TRIM66: variants seen among roughly 807,000 people sequenced by gnomAD.
TRIM66 encodes tripartite motif-containing protein 66.
A neutral mutation model predicts 148.2 loss-of-function variants in TRIM66; 99 were observed. That is an observed-to-expected ratio of 0.67 (90% CI 0.57 to 0.79). The LOEUF (loss-of-function observed/expected upper bound fraction) is 0.79, where lower values mean the gene tolerates loss of function less well. Among genes scored for constraint, TRIM66 ranks in the 30% least tolerant of loss-of-function variants. TRIM66 has a pLI of 0.00. For synonymous variants in TRIM66, 616 were observed against 635.9 expected, an observed-to-expected ratio of 0.97 and a Z score of 0.47; for missense variants, 1,666 against 1,697.9, an observed-to-expected ratio of 0.98 and a Z score of 0.33.
chr11:8,654,110 A>C (rs940575246), intron 6 of TRIM66, among the ~76,000 whole-genome samples: 7 of 152,370 alleles, frequency 4.6e-5, no homozygotes, highest in African/African-American at 1.4e-4. Context: ...ACATGGCCTC[A>C]CGAGCAGAAT....
intron 8 of TRIM66, 25 bp from the exon 9 acceptor site, chr11:8,648,573 A>G: frequency 1.3e-6 from 2 of 1,551,152 alleles, no homozygotes; most frequent in Non-Finnish European, 1.7e-6. Flanking sequence ...AGAGAAAGTG[A>G]GCTTCTCTTG....
Position 8,618,866 on chromosome 11 carries a change from C to T in TRIM66, c.4003G>A (p.Glu1335Lys). 1.9e-6 allele frequency: 3 copies of T among 1,551,510 alleles called. No homozygotes were observed. The highest frequency in any genetic ancestry group is 2.4e-5 in the East Asian group (1 of 40,914). ...PEKRFAQPRQEDSDSEEVSSE... is the reference protein window; with the variant it reads ...PEKRFAQPRQKDSDSEEVSSE... ...GACACCTCCTCGGAGTCTGAGTCCT[C>T]CTGCCTTGGCTGGGCAAACCGTTTC... is the stretch of plus-strand genomic sequence containing the variant. The change falls in exon 24 of 25, where the codon GAG becomes AAG. Residue 1335 changes from glutamate (E) to lysine (K), a missense_variant. Glu to Lys is a moderately conservative substitution (Grantham distance 56, BLOSUM62 1). This residue lies in a region of TRIM66 where 204 missense variants were observed against 231.0 expected (regional missense o/e 0.88). Transcript: ENST00000646038.
At chr11:8,635,426 T>C (rs182039928) in intron 15 of TRIM66, among the ~76,000 whole-genome samples, 20 of 152,320 alleles carry the variant, frequency 1.3e-4, no homozygotes, top group African/African-American at 4.6e-4. Context: ...ATCCTTGAGC[T>C]TCACACCCTC....
rs868336940 is a variant in TRIM66 at position 8,640,619 on chromosome 11, G to T, written c.1756C>A (p.His586Asn). The part of the protein sequence containing the change: ...TPSIQVQFGH[H>N]QKLKLSHFQQ... Reference sequence around the variant, plus strand: ...AAGTGACTGAGCTTCAGCTTCTGGTGGTGGCCAAACTGGACTTGGATAGAG... The same window carrying T: ...AAGTGACTGAGCTTCAGCTTCTGGTTGTGGCCAAACTGGACTTGGATAGAG... Residue 586 changes from histidine (H) to asparagine (N), a missense_variant, in exon 14 of 25, where the codon CAC becomes AAC. His to Asn is a moderately conservative substitution (Grantham distance 68). This residue lies in a region of TRIM66 where 1,431 missense variants were observed against 1,412.4 expected (regional missense o/e 1.01). Transcript: ENST00000646038. 6.4e-7 allele frequency: 1 copy of T among 1,551,524 alleles called. No individual in the cohort carries two copies. Among genetic ancestry groups the T allele is most frequent in the African/African-American group, 1.4e-5 (1 of 73,026 alleles).
At chr11:8,650,063 T>C (rs1461420108) in intron 7 of TRIM66, among the ~76,000 whole-genome samples, 176 bp from the exon 8 acceptor site, 1 of 152,014 alleles carries the variant, frequency 6.6e-6, no homozygotes, top group Admixed American at 6.6e-5. Flanking sequence ...GAAGGAAGCA[T>C]CCTTTGTAAC....
At position 8,651,838 on chromosome 11, in the gene TRIM66, GA is replaced by G; in HGVS notation, c.405del (p.Leu136CysfsTer64). On this transcript the variant is annotated frameshift_variant, in exon 7 of 25. Coordinates refer to ENST00000646038, the MANE Select transcript of TRIM66 (RefSeq NM_001388022.1). LOFTEE classifies it high-confidence loss of function. ...YLTRDVTEHFFLHCVPTEQPK... is the reference protein window; with the variant it reads ...YLTRDVTEHFXLHCVPTEQPK... ...GGTTGCTCAGTAGGAACACAATGCA[GA>G]AAAAAATGTTCAGTTACATCCCTGG... 1 of 1,551,638 alleles carries G rather than the reference GA, an allele frequency of 6.4e-7. No homozygotes were observed. The highest frequency in any genetic ancestry group is 2.0e-5 in the Admixed American group (1 of 50,996).
In TRIM66 at chr11:8,638,684, G is replaced by T; in HGVS notation, c.2280C>A (p.Ile760=). 1 of 1,549,774 alleles carries T rather than the reference G, an allele frequency of 6.5e-7. No homozygotes were observed. The highest frequency in any genetic ancestry group is 2.5e-5 in the East Asian group (1 of 40,742). ...TCACCACATTTGGAGAGGAGTGCTGGATGGTGCTGTCCACTGGGGGGACAC... is the reference window on the plus strand; with the variant it reads ...TCACCACATTTGGAGAGGAGTGCTGTATGGTGCTGTCCACTGGGGGGACAC... ...PLSVPPVDST[I]QHSSPNVVRK... The change falls in exon 15 of 25, where the codon ATC becomes ATA. Residue 760 remains isoleucine (I), a synonymous_variant. Transcript: ENST00000646038.
At chr11:8,647,236 A>C (rs992816561) in intron 10 of TRIM66, among the ~76,000 whole-genome samples, 1 of 152,130 alleles carries the variant, frequency 6.6e-6, no homozygotes, top group Non-Finnish European at 1.5e-5. Flanking sequence ...TGAATTATAC[A>C]TTTAAAAAGA....
intron 15 of TRIM66, among the ~76,000 whole-genome samples, chr11:8,628,274 A>G (rs938531628): frequency 1.3e-5 from 2 of 152,060 alleles, no homozygotes; most frequent in African/African-American, 4.8e-5. Context: ...TCCTTTCAAT[A>G]TTTCATCACT....
At chr11:8,659,933 G>A (rs2038132879) in intron 6 of TRIM66, among the ~76,000 whole-genome samples, 1 of 152,080 alleles carries the variant, frequency 6.6e-6, no homozygotes, top group Admixed American at 6.6e-5. Context: ...GCTGGAGTGT[G>A]GTGGCATGAT....
chr11:8,682,813 C>T (rs754250435), upstream of TRIM66: 11 of 1,612,874 alleles, frequency 6.8e-6, 1 homozygote, highest in East Asian at 2.2e-5. Flanking sequence ...GGGCTGCCAA[C>T]ATGGTAGGTG....
Position 8,640,891 on chromosome 11 carries a change from G to A in TRIM66, c.1484C>T (p.Pro495Leu), listed in dbSNP as rs368686082. Residue 495 changes from proline to leucine, a missense_variant, in exon 14 of 25, where the codon CCC (proline) becomes CTC (leucine). Physicochemically the swap from Pro to Leu is moderately conservative, Grantham distance 98. Transcript: ENST00000646038. ...CAGCTGCTGGGGCACCATCTCAGGGGGCTGCCTGAAGCTGTGGGCTGGGTG... is the reference window on the plus strand; with the variant it reads ...CAGCTGCTGGGGCACCATCTCAGGGAGCTGCCTGAAGCTGTGGGCTGGGTG... ...SIHPAHSFRQ[P>L]PEMVPQQLGS... The A allele has an allele frequency of 9.7e-6, 15 of 1,550,460 alleles. No homozygotes were observed. Among genetic ancestry groups the A allele is most frequent in the Non-Finnish European group, 1.3e-5 (15 of 1,146,960 alleles).
At chr11:8,649,926 C>T in intron 7 of TRIM66, 39 bp from the exon 8 acceptor site, 1 of 1,535,708 alleles carries the variant, frequency 6.5e-7, no homozygotes, top group South Asian at 1.2e-5. Context: ...ATGTTATCCT[C>T]ATTTGTGTCT....
chr11:8,663,348 AAC>A (rs1260605044), intron 6 of TRIM66: 3 of 152,202 alleles, frequency 2.0e-5, no homozygotes, highest in Non-Finnish European at 4.4e-5. Flanking sequence ...AGATGCCTGA[AAC>A]AGTGGATAGT....
chr11:8,674,913 T>G (rs2039106595), intron 3 of TRIM66, 30 bp from the exon 4 acceptor site: 1 of 152,248 alleles, frequency 6.6e-6, no homozygotes, highest in African/African-American at 2.4e-5. Context: ...TTTAATAGCC[T>G]TATCAGGTAA....
Position 8,638,801 on chromosome 11 carries a change from G to T in TRIM66, c.2163C>A (p.Pro721=). The change falls in exon 15 of 25, where the codon CCC becomes CCA. Residue 721 remains proline, a synonymous_variant. Coordinates refer to ENST00000646038, the MANE Select transcript of TRIM66 (RefSeq NM_001388022.1). ...QEETLQATDE[P]PASQGSKPAL... is the part of the protein sequence containing the mutation. ...CCGGCTTTGAGCCCTGAGATGCTGG[G>T]GGCTCATCTGTAGCCTGGAGAAGAA... The T allele has an allele frequency of 6.4e-7, 1 of 1,551,306 alleles. No individual in the cohort carries two copies. Among genetic ancestry groups the T allele is most frequent in the Non-Finnish European group, 8.7e-7 (1 of 1,146,868 alleles).
At chr11:8,665,557 G>A (rs1422746029) in intron 6 of TRIM66, among the ~76,000 whole-genome samples, 2 of 152,160 alleles carry the variant, frequency 1.3e-5, no homozygotes, top group Non-Finnish European at 2.9e-5. Context: ...TACCCTAAAT[G>A]CCATACAGCC....
At position 8,625,110 on chromosome 11, in the gene TRIM66, C is replaced by A; in HGVS notation, c.2429G>T (p.Gly810Val). The A allele has an allele frequency of 6.4e-7, 1 of 1,551,664 alleles. No homozygotes were observed. The highest frequency in any genetic ancestry group is 8.7e-7 in the Non-Finnish European group (1 of 1,146,966). ...CAGGCTTGGTACTGCCTGGGGGGCA[C>A]CAGCTGTCAGGTTGCTCACACTCTG... ...QIQSVSNLTA[G>V]APQAVPSLLS... The change falls in exon 16 of 25, where the codon GGT (glycine) becomes GTT (valine). Residue 810 changes from glycine to valine, a missense_variant. Physicochemically the swap from Gly to Val is moderately radical, Grantham distance 109 (BLOSUM62 -3). Transcript: ENST00000646038.
rs2033428076 is a variant in TRIM66, at chr11:8,612,064, T to C, written c.*5880A>G. 6.6e-6 allele frequency: 1 copy of C among 152,188 alleles called. No individual in the cohort carries two copies. Among genetic ancestry groups the C allele is most frequent in the Admixed American group, 6.5e-5 (1 of 15,288 alleles). 9.4% of individuals were successfully genotyped at this position (152,188 alleles called of 1,614,324 possible). A position where few individuals can be genotyped will look rare whatever the true frequency, so the allele number is the denominator to read the frequency against. On this transcript the variant is annotated 3_prime_UTR_variant, in exon 25 of 25. Coordinates refer to ENST00000646038, the MANE Select transcript of TRIM66 (RefSeq NM_001388022.1). ...CTTGGTAAAGAAAAGTGCTGTTTTTTATTTGTTCTTGAATGTATAGGTTCT... is the reference window on the plus strand; with the variant it reads ...CTTGGTAAAGAAAAGTGCTGTTTTTCATTTGTTCTTGAATGTATAGGTTCT...
Sources: allele counts gnomAD v4.1 joint callset (sites outside exome capture counted in the v4.1 genomes callset), GRCh38; gene constraint gnomAD v4.1.1; regional missense constraint gnomAD v4.1.1; transcripts MANE v1.5; gene names NCBI Gene and HGNC (gene_info 2026-07-23, HGNC 2026-07-21).